Variants in VPS13D observed in about 807,000 individuals in gnomAD.
VPS13D encodes the protein intermembrane lipid transfer protein VPS13D.
In VPS13D, 187 loss-of-function variants were observed where a neutral mutation model predicts 461.9. The observed-to-expected ratio is 0.40, with a 90% CI of 0.36 to 0.46. VPS13D has a LOEUF of 0.46. Among genes scored for constraint, VPS13D ranks in the 20% least tolerant of loss-of-function variants. VPS13D has a pLI of 0.60. For synonymous variants in VPS13D, 1,951 were observed against 1,986.3 expected, an observed-to-expected ratio of 0.98 and a Z score of 0.47; for missense variants, 4,711 against 5,364.9, an observed-to-expected ratio of 0.88 and a Z score of 3.81.
At chr1:12,430,817 G>A (rs1644982058) in intron 65 of VPS13D, among the ~76,000 whole-genome samples, 1 of 152,214 alleles carries the variant, frequency 6.6e-6, no homozygotes, top group African/African-American at 2.4e-5. Flanking sequence ...CAAATCTCCA[G>A]TCCTACGATC....
intron 29 of VPS13D, 143 bp downstream of exon 29, chr1:12,312,068 C>A: frequency 1.5e-6 from 1 of 685,914 alleles, no homozygotes; most frequent in Non-Finnish European, 2.4e-6. Flanking sequence ...TTGATCTACA[C>A]AGTGCTTTTG....
Position 12,262,063 on chromosome 1 carries a change from T to C in VPS13D, c.1577T>C (p.Met526Thr). 6.2e-7 allele frequency: 1 copy of C among 1,611,506 alleles called. No individual in the cohort carries two copies. Among genetic ancestry groups the C allele is most frequent in the Non-Finnish European group, 8.5e-7 (1 of 1,178,036 alleles). ...CCTCAAATGAATGAAAGTGCTTTCA[T>C]GCAGCTCGAGTTTTCAGGTACACTG... ...GTPQMNESAF[M>T]QLEFSDVKLL... The change falls in exon 13 of 70, where the codon ATG (methionine) becomes ACG (threonine). Residue 526 changes from methionine (M) to threonine (T), a missense_variant. Transcript: ENST00000620676.
intron 67 of VPS13D, among the ~76,000 whole-genome samples, chr1:12,474,227 T>G (rs950941468): frequency 6.6e-6 from 1 of 152,074 alleles, no homozygotes; most frequent in African/African-American, 2.4e-5. Flanking sequence ...GCTGATAAAC[T>G]GTTTCAGGCC....
At chr1:12,334,521 C>A (rs1643403796) in intron 38 of VPS13D, among the ~76,000 whole-genome samples, 1 of 152,248 alleles carries the variant, frequency 6.6e-6, no homozygotes, top group Non-Finnish European at 1.5e-5. Flanking sequence ...TAACCCAGTT[C>A]TTCGAGAAGC....
At chr1:12,438,842 T>G (rs1645094017) in intron 65 of VPS13D, among the ~76,000 whole-genome samples, 1 of 152,230 alleles carries the variant, frequency 6.6e-6, no homozygotes, top group Non-Finnish European at 1.5e-5. Flanking sequence ...GCTAGCCACT[T>G]CATAGCTTTT....
At chr1:12,260,585 C>T (rs1284364090) in intron 10 of VPS13D, 108 bp from the exon 11 acceptor site, 3 of 847,902 alleles carry the variant, frequency 3.5e-6, no homozygotes, top group East Asian at 2.6e-5. Context: ...TGCAGGGGAC[C>T]AGAGAGGTTT....
rs970879872 is a variant in VPS13D, at chr1:12,349,168, A to G, written c.9225A>G (p.Pro3075=). The stretch of plus-strand genomic sequence containing the variant: ...TAACCCTTATTTCTGTGGCAGAGCC[A>G]GTGGTGCTTCCTGCTATCATGCCAG... ...RLDSPSAPDK[P]VVLPAIMPGD... is the part of the protein sequence containing the mutation. Residue 3075 remains proline, a synonymous_variant, in exon 46 of 70, where the codon CCA becomes CCG. Coordinates refer to ENST00000620676, the MANE Select transcript of VPS13D (RefSeq NM_015378.4). The G allele has an allele frequency of 1.9e-6, 3 of 1,613,566 alleles. No homozygotes were observed. Among genetic ancestry groups the G allele is most frequent in the Admixed American group, 1.7e-5 (1 of 60,028 alleles).
At chr1:12,424,113 T>C (rs1220001307) in intron 65 of VPS13D, among the ~76,000 whole-genome samples, 1 of 152,200 alleles carries the variant, frequency 6.6e-6, no homozygotes, top group African/African-American at 2.4e-5. Context: ...GGGGTTTTAG[T>C]GTATTTAAGT....
intron 68 of VPS13D, among the ~76,000 whole-genome samples, chr1:12,506,446 T>C (rs1646108207): frequency 6.6e-6 from 1 of 152,234 alleles, no homozygotes; most frequent in African/African-American, 2.4e-5. Context: ...AACGCCAGGC[T>C]GTCTCTTCAT....
chr1:12,312,108 A>G (rs1642768232), intron 29 of VPS13D, among the ~76,000 whole-genome samples, 183 bp downstream of exon 29: 1 of 152,240 alleles, frequency 6.6e-6, no homozygotes, highest in Non-Finnish European at 1.5e-5. Flanking sequence ...CTATCAGTCA[A>G]CATAGGTTAG....
chr1:12,445,655 T>C (rs1251467582), intron 65 of VPS13D, among the ~76,000 whole-genome samples: 2 of 152,190 alleles, frequency 1.3e-5, no homozygotes, highest in Admixed American at 6.5e-5. Flanking sequence ...TGTTGGGAAG[T>C]AGCTAAGCTG....
chr1:12,348,537 A>G (rs1276103465), intron 44 of VPS13D, among the ~76,000 whole-genome samples: 1 of 152,178 alleles, frequency 6.6e-6, no homozygotes, highest in African/African-American at 2.4e-5. Flanking sequence ...GTTTTTAATA[A>G]TGTTTCTAGA....
chr1:12,276,631 G>A lies in VPS13D; in HGVS notation c.3043G>A (p.Asp1015Asn). 1 of 1,614,172 alleles carries A rather than the reference G, an allele frequency of 6.2e-7. No individual in the cohort carries two copies. The highest frequency in any genetic ancestry group is 8.5e-7 in the Non-Finnish European group (1 of 1,180,026). The change falls in exon 19 of 70, where the codon GAT becomes AAT. Residue 1015 changes from aspartate to asparagine, a missense_variant. Asp to Asn is a conservative substitution (Grantham distance 23). Around this residue, in one of 3 missense-constraint regions of VPS13D, gnomAD observed 4,411 missense variants for 4,937.8 expected, o/e 0.89. Transcript: ENST00000620676. This position sits in a 1 kb window ranked among gnomAD's most constrained non-coding sequence, Gnocchi z 4.5. ...GGATACCATGCAGACATATGGTGCT[G>A]ATTTTGACCTTTTGATGGCTTCACA... is the stretch of plus-strand genomic sequence containing the variant. ...LVDTMQTYGA[D>N]FDLLMASHKN...
intron 38 of VPS13D, among the ~76,000 whole-genome samples, chr1:12,334,298 A>G (rs1030920718): frequency 9.9e-5 from 15 of 152,208 alleles, no homozygotes; most frequent in Non-Finnish European, 1.8e-4. Flanking sequence ...TGATTTCTCT[A>G]AACTGTATTG....
intron 2 of VPS13D, among the ~76,000 whole-genome samples, chr1:12,238,938 T>C (rs1640255773): frequency 6.6e-6 from 1 of 152,074 alleles, no homozygotes; most frequent in African/African-American, 2.4e-5. Context: ...CGTCTTGTTA[T>C]TCCACCTCTA....
At chr1:12,351,290 T>G (rs1643787150) in intron 46 of VPS13D, among the ~76,000 whole-genome samples, 1 of 152,142 alleles carries the variant, frequency 6.6e-6, no homozygotes, top group South Asian at 2.1e-4. Context: ...TTATTAAAAA[T>G]TTTTTCTTGT....
At chr1:12,385,439 A>G (rs2101653911) in intron 59 of VPS13D, 66 bp downstream of exon 59, 2 of 1,265,868 alleles carry the variant, frequency 1.6e-6, no homozygotes, top group Non-Finnish European at 2.2e-6. Context: ...ACTTGGTGGT[A>G]TTTTAGACCT....
chr1:12,497,987 C>T (rs572882539), intron 68 of VPS13D, among the ~76,000 whole-genome samples: 62 of 152,040 alleles, frequency 4.1e-4, no homozygotes, highest in African/African-American at 1.2e-3. Flanking sequence ...CCATTTTTGC[C>T]GCAGAATGCT....
intron 46 of VPS13D, 37 bp downstream of exon 46, chr1:12,349,411 C>A: frequency 1.4e-6 from 2 of 1,419,792 alleles, no homozygotes; most frequent in Admixed American, 1.9e-5. Context: ...TCACTTTTGC[C>A]TTTTTTTTTT....
Sources: allele counts gnomAD v4.1 joint callset (sites outside exome capture counted in the v4.1 genomes callset), GRCh38; gene constraint gnomAD v4.1.1; regional missense constraint gnomAD v4.1.1; non-coding constraint Gnocchi (gnomAD v3.1); transcripts MANE v1.5; gene names NCBI Gene and HGNC (gene_info 2026-07-23, HGNC 2026-07-21).